The following XRCC6 variants were observed in gnomAD, a reference collection of about 807,000 sequenced individuals.
XRCC6 encodes the protein X-ray repair cross complementing 6.
Under a neutral mutation model 65.7 loss-of-function variants are expected in XRCC6, and 5 were observed. The observed-to-expected ratio is 0.08, with a 90% CI of 0.04 to 0.16. The LOEUF (loss-of-function observed/expected upper bound fraction) is 0.16, where lower values mean the gene tolerates loss of function less well. XRCC6 is among the 10% of genes least tolerant of loss of function. XRCC6 has a pLI of 1.00. For synonymous variants in XRCC6, 270 were observed against 270.6 expected (o/e 1.00, Z 0.02); for missense variants, 447 against 738.1 (o/e 0.61, Z 4.57).
chr22:41,636,319 C>T (rs2067809457), intron 4 of XRCC6, 68 bp downstream of exon 4: 1 of 1,530,014 alleles, frequency 6.5e-7, no homozygotes. Flanking sequence ...TCAAAGAGGA[C>T]TGTGGAGAAG....
intron 4 of XRCC6, 77 bp from the exon 5 acceptor site, chr22:41,636,439 C>T: frequency 1.3e-6 from 2 of 1,564,212 alleles, no homozygotes; most frequent in Non-Finnish European, 1.7e-6. Context: ...AAGGGTCCTT[C>T]TGTTAGTCTT....
chr22:41,627,015 A>T (rs1601526970), intron 2 of XRCC6, among the ~76,000 whole-genome samples: 1 of 152,200 alleles, frequency 6.6e-6, no homozygotes, highest in Non-Finnish European at 1.5e-5. Flanking sequence ...ATCTCAAGTG[A>T]TCCTCCCGCC....
At chr22:41,661,472 C>A in intron 12 of XRCC6, 28 bp downstream of exon 12, 1 of 1,594,826 alleles carries the variant, frequency 6.3e-7, no homozygotes, top group Non-Finnish European at 8.6e-7. Flanking sequence ...GACATGTGGG[C>A]TATTTTTAAA....
chr22:41,628,345 G>A, intron 3 of XRCC6, 115 bp downstream of exon 3: 1 of 808,136 alleles, frequency 1.2e-6, no homozygotes, highest in Non-Finnish European at 1.9e-6. Flanking sequence ...GATCACTTGA[G>A]CCTAGGAGTT....
At chr22:41,625,863 G>A (rs964212114) in intron 2 of XRCC6, among the ~76,000 whole-genome samples, 2 of 152,108 alleles carry the variant, frequency 1.3e-5, no homozygotes, top group African/African-American at 4.8e-5. Flanking sequence ...TTTTTTATTT[G>A]AGATGGAATC....
chr22:41,656,669 G>A (rs2068047847), intron 9 of XRCC6, among the ~76,000 whole-genome samples: 1 of 152,226 alleles, frequency 6.6e-6, no homozygotes, highest in Admixed American at 6.5e-5. Context: ...CCAGGGATAA[G>A]GGATCTACTG....
chr22:41,623,865 C>T (rs151306475), intron 2 of XRCC6, among the ~76,000 whole-genome samples: 143 of 152,162 alleles, frequency 9.4e-4, no homozygotes, highest in South Asian at 3.3e-3. Flanking sequence ...GGATGACAGG[C>T]GTGTGCGCCA....
At chr22:41,647,929 AT>A (rs2067951070) in intron 7 of XRCC6, among the ~76,000 whole-genome samples, 1 of 151,792 alleles carries the variant, frequency 6.6e-6, no homozygotes, top group African/African-American at 2.4e-5. Context: ...GAGGAGAGAC[AT>A]TGATCAGGCT....
chr22:41,648,868 A>G (rs1419355395), intron 7 of XRCC6, among the ~76,000 whole-genome samples: 6 of 152,000 alleles, frequency 3.9e-5, no homozygotes, highest in African/African-American at 9.7e-5. Flanking sequence ...TTGGTCCAGT[A>G]TGTTTGAAAA....
At chr22:41,662,047 T>C (rs1018854642) in intron 12 of XRCC6, among the ~76,000 whole-genome samples, 4 of 151,984 alleles carry the variant, frequency 2.6e-5, no homozygotes, top group Non-Finnish European at 4.4e-5. Flanking sequence ...AGAGAGAGCA[T>C]AGAAGGATGG....
At chr22:41,659,919 T>G (rs1172535111) in intron 11 of XRCC6, among the ~76,000 whole-genome samples, 1 of 147,834 alleles carries the variant, frequency 6.8e-6, no homozygotes, top group Non-Finnish European at 1.5e-5. Context: ...CTCCTGACCT[T>G]AGGTGATCCA....
chr22:41,646,103 A>G (rs13053767), intron 6 of XRCC6, among the ~76,000 whole-genome samples: 1 of 151,554 alleles, frequency 6.6e-6, no homozygotes, highest in Non-Finnish European at 1.5e-5. Flanking sequence ...GGAGTTCAAG[A>G]CCAGCCTGGC....
chr22:41,648,240 G>T (rs2067956291), intron 7 of XRCC6: 1 of 151,864 alleles, frequency 6.6e-6, no homozygotes, highest in South Asian at 2.1e-4. Context: ...TTAACTCTTT[G>T]GGACTGTGGT....
chr22:41,633,129 A>G (rs1205367587), intron 3 of XRCC6, among the ~76,000 whole-genome samples: 1 of 152,128 alleles, frequency 6.6e-6, no homozygotes, highest in Non-Finnish European at 1.5e-5. Flanking sequence ...TCTGTCTCAA[A>G]AAAAAAAAGT....
chr22:41,659,794 C>T (rs2068083055), intron 11 of XRCC6, among the ~76,000 whole-genome samples: 1 of 152,318 alleles, frequency 6.6e-6, no homozygotes, highest in African/African-American at 2.4e-5. Flanking sequence ...AAGCAGTTCT[C>T]CTGCCTCAGC....
chr22:41,643,854 A>G (rs1430261689), intron 6 of XRCC6, among the ~76,000 whole-genome samples: 1 of 134,680 alleles, frequency 7.4e-6, no homozygotes, highest in Non-Finnish European at 1.6e-5. Flanking sequence ...GCGCAGTGGC[A>G]TGTGCTTGTA....
intron 11 of XRCC6, 100 bp downstream of exon 11, chr22:41,658,452 A>T (rs750813587): frequency 9.3e-7 from 1 of 1,075,474 alleles, no homozygotes; most frequent in Non-Finnish European, 1.4e-6. Context: ...CTCTCTAAAC[A>T]CTTAACCTCA....
intron 11 of XRCC6, 136 bp downstream of exon 11, chr22:41,658,488 G>C (rs573024174): frequency 1.2e-6 from 1 of 810,016 alleles, no homozygotes; most frequent in South Asian, 1.7e-5. Flanking sequence ...CTGTTTGGAA[G>C]CTTTTCCAGA....
intron 10 of XRCC6, 131 bp downstream of exon 10, chr22:41,657,163 G>C: frequency 8.4e-7 from 1 of 1,193,104 alleles, no homozygotes; most frequent in Non-Finnish European, 1.1e-6. Context: ...GTTATTAATA[G>C]TTTTTTGAAA....
Sources: allele counts gnomAD v4.1 joint callset (sites outside exome capture counted in the v4.1 genomes callset), GRCh38; gene constraint gnomAD v4.1.1; transcripts MANE v1.5; gene names NCBI Gene and HGNC (gene_info 2026-07-23, HGNC 2026-07-21).